Variants in WRN observed in about 807,000 individuals in gnomAD.
WRN encodes WRN RecQ like helicase, also known as bifunctional 3'-5' exonuclease/ATP-dependent helicase WRN.
Under a neutral mutation model 180.7 loss-of-function variants are expected in WRN, and 149 were observed. That is an observed-to-expected ratio of 0.82 (90% CI 0.72 to 0.94). The LOEUF (loss-of-function observed/expected upper bound fraction) is 0.94, where lower values mean the gene tolerates loss of function less well. Ranked by LOEUF, WRN falls within the 40% of genes least tolerant of loss-of-function variation. The pLI is 0.00. For synonymous variants in WRN, 548 were observed against 568.9 expected (o/e 0.96, Z 0.52); for missense variants, 1,661 against 1,700.1 (o/e 0.98, Z 0.40).
In WRN at chr8:31,085,251, G is replaced by T; in HGVS notation, c.1431+5G>T. On this transcript the variant is annotated splice_donor_5th_base_variant and intron_variant, in intron 11 of 34. Coordinates refer to ENST00000298139, the MANE Select transcript of WRN (RefSeq NM_000553.6). ...TTAGAAATGGAGATGCTTAAGGTAT[G>T]TTTACAATTATAAAAACATTACTTC... 1.2e-6 allele frequency: 2 copies of T among 1,612,338 alleles called. No homozygotes were observed. Among genetic ancestry groups the T allele is most frequent in the East Asian group, 4.5e-5 (2 of 44,640 alleles).
Position 31,174,356 on chromosome 8 carries a change from G to C in WRN, c.*1254G>C, listed in dbSNP as rs1352456749. Among the ~76,000 whole-genome samples the C allele has an allele frequency of 6.6e-6, 1 of 152,208 alleles. No homozygotes were observed. Among genetic ancestry groups the C allele is most frequent in the East Asian group, 1.9e-4 (1 of 5,194 alleles). ...ATGCCTAGGTACGAGGCTGTCTCCA[G>C]GAGAAGCACTTGTTTGATTATTTGA... On this transcript the variant is annotated 3_prime_UTR_variant, in exon 35 of 35. Transcript: ENST00000298139.
intron 18 of WRN, among the ~76,000 whole-genome samples, chr8:31,109,012 A>G (rs914568941): frequency 3.3e-5 from 5 of 152,212 alleles, no homozygotes; most frequent in Non-Finnish European, 1.5e-5. Context: ...TCTTTGGGAT[A>G]GGAGAAGGGG....
chr8:31,132,347 G>T lies in WRN; in HGVS notation c.2826-18G>T. On this transcript the variant is annotated intron_variant, in intron 23 of 34. Coordinates refer to ENST00000298139, the MANE Select transcript of WRN (RefSeq NM_000553.6). ...TGCCTTTGCTAAGCTTTCTTCAAAT[G>T]TTATTATTTTTATTTAGATTGGATC... The T allele has an allele frequency of 6.2e-7, 1 of 1,612,014 alleles. No homozygotes were observed. The highest frequency in any genetic ancestry group is 1.1e-5 in the South Asian group (1 of 90,566).
chr8:31,163,846 C>T (rs886709235), intron 33 of WRN, among the ~76,000 whole-genome samples: 1 of 146,414 alleles, frequency 6.8e-6, no homozygotes, highest in Non-Finnish European at 1.5e-5. Flanking sequence ...TTGTGATAAC[C>T]ATGAGCTCTT....
At chr8:31,137,510 A>G (rs1802444705) in intron 24 of WRN, among the ~76,000 whole-genome samples, 1 of 152,144 alleles carries the variant, frequency 6.6e-6, no homozygotes, top group Non-Finnish European at 1.5e-5. Context: ...CTAGATACCA[A>G]GTCATGCTTT....
chr8:31,058,153 A>G (rs1442477192), intron 1 of WRN, among the ~76,000 whole-genome samples: 2 of 152,194 alleles, frequency 1.3e-5, no homozygotes, highest in East Asian at 3.8e-4. Flanking sequence ...TCATAAAATA[A>G]TAGAATTTCG....
Position 31,175,114 on chromosome 8 carries a change from T to C in WRN, c.*2012T>C, listed in dbSNP as rs1030897800. ...CCGTATAACTCAGTGAATCAGTATG[T>C]TCTGGATGACTAATATGTGATGTTA... On this transcript the variant is annotated 3_prime_UTR_variant, in exon 35 of 35. Coordinates refer to ENST00000298139, the MANE Select transcript of WRN (RefSeq NM_000553.6). 3.9e-5 allele frequency among the ~76,000 whole-genome samples: 6 copies of C among 152,022 alleles called. No individual in the cohort carries two copies. The highest frequency in any genetic ancestry group is 7.4e-5 in the Non-Finnish European group (5 of 67,990).
chr8:31,116,630 G>A, intron 20 of WRN, 102 bp downstream of exon 20: 1 of 1,495,032 alleles, frequency 6.7e-7, no homozygotes, highest in East Asian at 2.3e-5. Context: ...TCTTTGTGTT[G>A]AACATAAAGC....
chr8:31,130,027 A>AAC lies in WRN; in HGVS notation c.2826-2337_2826-2336insCA, dbSNP rs1802097154. 2.9e-5 allele frequency among the ~76,000 whole-genome samples: 3 copies of AAC among 102,090 alleles called. 1 individual carries two copies. Among genetic ancestry groups the AAC allele is most frequent in the African/African-American group, 1.1e-4 (3 of 27,718 alleles). The allele number at this position is 102,090 out of a possible 152,430, so 67.0% of individuals were successfully genotyped here. On this transcript the variant is annotated intron_variant, in intron 23 of 34. Transcript: ENST00000298139. ...CTCAAAAAAAAAACAAAACAAAACAAAAAAAAAAACTAGTAAGAGGGCCCA... is the reference window on the plus strand; with the variant it reads ...CTCAAAAAAAAAACAAAACAAAACAAACAAAAAAAAACTAGTAAGAGGGCCCA...
At chr8:31,122,413 T>C (rs545437913) in intron 21 of WRN, among the ~76,000 whole-genome samples, 7 of 152,150 alleles carry the variant, frequency 4.6e-5, no homozygotes, top group African/African-American at 1.7e-4. Flanking sequence ...ATTCTATCAC[T>C]GAGAGAAGAA....
chr8:31,149,981 G>A (rs1198006214), intron 30 of WRN, among the ~76,000 whole-genome samples: 1 of 152,054 alleles, frequency 6.6e-6, no homozygotes, highest in Non-Finnish European at 1.5e-5. Flanking sequence ...TAGCCTCTTA[G>A]TTGTTCCCAG....
At chr8:31,042,564 C>T (rs905806640) in intron 1 of WRN, among the ~76,000 whole-genome samples, 1 of 152,204 alleles carries the variant, frequency 6.6e-6, no homozygotes, top group African/African-American at 2.4e-5. Flanking sequence ...TGCCTTAAAG[C>T]ACCTTTTCAT....
In WRN at chr8:31,142,643, C is replaced by A; in HGVS notation, c.3251C>A (p.Ser1084Ter). ...TTTTTTAGTTCGAAAACTGTATCTT[C>A]GGGCACCAAAGAGCATTGTTATAAT... Reference protein sequence around the residue: ...LLLPSSKTVSSGTKEHCYNQV... With the variant: ...LLLPSSKTVS Residue 1084 changes from serine (S) to a stop codon, truncating the protein, a stop_gained, in exon 27 of 35, where the codon TCG (serine) becomes TAG (stop). Coordinates refer to ENST00000298139, the MANE Select transcript of WRN (RefSeq NM_000553.6). LOFTEE classifies it high-confidence loss of function. 1 of 1,600,210 alleles carries A rather than the reference C, an allele frequency of 6.2e-7. No homozygotes were observed. The highest frequency in any genetic ancestry group is 1.2e-5 in the South Asian group (1 of 86,492).
chr8:31,076,097 A>T (rs377720227), intron 7 of WRN, 76 bp from the exon 8 acceptor site: 14 of 1,192,280 alleles, frequency 1.2e-5, no homozygotes, highest in African/African-American at 6.0e-5. Context: ...GATCCCTAAT[A>T]TTATTTAATG....
intron 19 of WRN, among the ~76,000 whole-genome samples, chr8:31,114,574 A>G (rs1801440101): frequency 6.6e-6 from 1 of 152,206 alleles, no homozygotes. Flanking sequence ...TGTTGCATAT[A>G]AATTGAAAAG....
intron 7 of WRN, among the ~76,000 whole-genome samples, chr8:31,069,139 A>T (rs11574212): frequency 0.031 from 4,660 of 152,334 alleles, 110 homozygotes; most frequent in East Asian, 0.085. Context: ...CCTTTTGGAG[A>T]TTTTAAATGA....
chr8:31,174,368 G>A lies in WRN; in HGVS notation c.*1266G>A, dbSNP rs1719893184. 6.6e-6 allele frequency among the ~76,000 whole-genome samples: 1 copy of A among 152,190 alleles called. No homozygotes were observed. The highest frequency in any genetic ancestry group is 1.5e-5 in the Non-Finnish European group (1 of 68,038). ...GAGGCTGTCTCCAGGAGAAGCACTT[G>A]TTTGATTATTTGAGTTGCCAATTGA... On this transcript the variant is annotated 3_prime_UTR_variant, in exon 35 of 35. Transcript: ENST00000298139.
chr8:31,059,782 C>T (rs562559208), intron 3 of WRN, among the ~76,000 whole-genome samples: 128 of 152,216 alleles, frequency 8.4e-4, no homozygotes, highest in African/African-American at 3.0e-3. Flanking sequence ...AGAGGCCAGG[C>T]GCGGTGGCTC....
intron 7 of WRN, 91 bp from the exon 8 acceptor site, chr8:31,076,082 A>C: frequency 9.3e-7 from 1 of 1,073,336 alleles, no homozygotes; most frequent in Admixed American, 1.8e-5. Context: ...AGAAAATGAA[A>C]ATTTGATCCC....
Sources: gnomAD v4.1 joint callset for allele counts (sites outside exome capture counted in the v4.1 genomes callset) on GRCh38, gnomAD v4.1.1 for gene constraint, MANE v1.5 for transcripts, NCBI Gene and HGNC (gene_info 2026-07-23, HGNC 2026-07-21) for gene names.